GMDS: variants seen among roughly 807,000 people sequenced by gnomAD.
GMDS encodes the protein GDP-mannose 4,6 dehydratase.
GMDS carries 20 observed loss-of-function variants against 49.9 expected under a neutral mutation model. The observed-to-expected ratio is 0.40, with a 90% CI of 0.28 to 0.58. GMDS has a LOEUF of 0.58. Ranked by LOEUF, GMDS falls within the 20% of genes least tolerant of loss-of-function variation. GMDS has a pLI of 0.42. For missense variants in GMDS, 362 were observed against 481.4 expected, an observed-to-expected ratio of 0.75 and a Z score of 2.32; for synonymous variants, 177 against 178.6, an observed-to-expected ratio of 0.99 and a Z score of 0.07.
intron 1 of GMDS, among the ~76,000 whole-genome samples, chr6:2,172,089 G>A (rs1161568032): frequency 6.6e-6 from 1 of 151,956 alleles, no homozygotes; most frequent in Non-Finnish European, 1.5e-5. Context: ...CGAAAAGCAA[G>A]AATACATTTA....
At chr6:1,838,909 G>T (rs1180635846) in intron 7 of GMDS, among the ~76,000 whole-genome samples, 1 of 152,142 alleles carries the variant, frequency 6.6e-6, no homozygotes. Context: ...TTTCCCTGAG[G>T]TGGGACATCC....
chr6:1,855,056 T>C (rs1757885580), intron 7 of GMDS, among the ~76,000 whole-genome samples: 1 of 152,246 alleles, frequency 6.6e-6, no homozygotes, highest in African/African-American at 2.4e-5. Context: ...TCTAAAAACC[T>C]TTCTGCATTT....
chr6:2,237,935 T>C (rs1298947782), intron 1 of GMDS, among the ~76,000 whole-genome samples: 1 of 151,988 alleles, frequency 6.6e-6, no homozygotes, highest in Non-Finnish European at 1.5e-5. Flanking sequence ...ATCATGAAAC[T>C]AAAGGGAAAG....
At chr6:2,198,924 A>C (rs1031631782) in intron 1 of GMDS, among the ~76,000 whole-genome samples, 12 of 102,852 alleles carry the variant, frequency 1.2e-4, no homozygotes, top group African/African-American at 3.5e-4. Flanking sequence ...TCATAAAGTC[A>C]ATAATTCAGG....
At chr6:2,193,406 C>T (rs1779137840) in intron 1 of GMDS, among the ~76,000 whole-genome samples, 1 of 152,214 alleles carries the variant, frequency 6.6e-6, no homozygotes, top group South Asian at 2.1e-4. Context: ...TCTCCACTGC[C>T]ATCCACGTGC....
intron 9 of GMDS, among the ~76,000 whole-genome samples, chr6:1,660,036 C>A (rs115077350): frequency 1.3e-5 from 2 of 151,996 alleles, no homozygotes; most frequent in African/African-American, 4.8e-5. Flanking sequence ...ACCCTGCATG[C>A]GTCACGTGGC....
intron 1 of GMDS, among the ~76,000 whole-genome samples, chr6:2,213,512 G>A (rs1780166873): frequency 6.6e-6 from 1 of 152,168 alleles, no homozygotes; most frequent in African/African-American, 2.4e-5. Context: ...AATACAAATT[G>A]ATTTTGTCAT....
At chr6:2,202,929 T>C (rs1779616920) in intron 1 of GMDS, among the ~76,000 whole-genome samples, 1 of 152,168 alleles carries the variant, frequency 6.6e-6, no homozygotes, top group African/African-American at 2.4e-5. Flanking sequence ...AAAGTCACCC[T>C]GAATCAAGCA....
intron 7 of GMDS, among the ~76,000 whole-genome samples, chr6:1,794,481 G>A (rs1769662860): frequency 6.6e-6 from 1 of 152,182 alleles, no homozygotes; most frequent in Non-Finnish European, 1.5e-5. Context: ...CGAAACCATG[G>A]AATGTTCTAT....
chr6:2,169,836 G>A (rs1392869135), intron 1 of GMDS, among the ~76,000 whole-genome samples: 1 of 152,098 alleles, frequency 6.6e-6, no homozygotes, highest in African/African-American at 2.4e-5. Context: ...GTGTTCAGCT[G>A]GCAAGCCCTG....
chr6:1,794,860 G>A (rs1769677315), intron 7 of GMDS, among the ~76,000 whole-genome samples: 1 of 152,122 alleles, frequency 6.6e-6, no homozygotes, highest in South Asian at 2.1e-4. Flanking sequence ...GTGAGCCACT[G>A]CACCTGGACG....
chr6:1,955,757 A>G (rs1486035939), intron 6 of GMDS, among the ~76,000 whole-genome samples: 1 of 151,862 alleles, frequency 6.6e-6, no homozygotes, highest in South Asian at 2.1e-4. Context: ...AAATAAATAA[A>G]TGAAGTCTTC....
intron 1 of GMDS, among the ~76,000 whole-genome samples, chr6:2,167,207 G>A (rs1010256816): frequency 8.5e-5 from 13 of 152,108 alleles, no homozygotes; most frequent in Non-Finnish European, 1.3e-4. Flanking sequence ...AGGAAGATAT[G>A]GGTGCTAATA....
intron 7 of GMDS, among the ~76,000 whole-genome samples, chr6:1,784,462 G>A (rs1176306508): frequency 2.6e-5 from 4 of 151,804 alleles, no homozygotes; most frequent in East Asian, 3.9e-4. Flanking sequence ...GAGGATGTTC[G>A]GTTTGCCTGA....
chr6:2,130,093 C>T (rs1775650516), intron 1 of GMDS, among the ~76,000 whole-genome samples: 1 of 152,040 alleles, frequency 6.6e-6, no homozygotes. Flanking sequence ...TAAAAAATAC[C>T]GGGGAAATAT....
At chr6:2,245,177 C>T in intron 1 of GMDS, 144 bp downstream of exon 1, 1 of 635,338 alleles carries the variant, frequency 1.6e-6, no homozygotes, top group African/African-American at 1.9e-5. Flanking sequence ...ACCGTACCTT[C>T]CGTCCCACCT....
intron 4 of GMDS, among the ~76,000 whole-genome samples, chr6:1,973,537 T>A (rs948135186): frequency 3.3e-5 from 5 of 152,180 alleles, no homozygotes; most frequent in African/African-American, 1.2e-4. Flanking sequence ...GAAGATTTAA[T>A]GTTTGCTGCC....
At chr6:1,982,638 A>C (rs932061878) in intron 4 of GMDS, among the ~76,000 whole-genome samples, 51 of 152,176 alleles carry the variant, frequency 3.4e-4, no homozygotes, top group Non-Finnish European at 2.2e-4. Flanking sequence ...TGCCACAAAA[A>C]AAATAAAATA....
At chr6:2,165,612 G>A (rs1012559686) in intron 1 of GMDS, among the ~76,000 whole-genome samples, 1 of 152,240 alleles carries the variant, frequency 6.6e-6, no homozygotes, top group East Asian at 1.9e-4. Flanking sequence ...CCAAATGTCA[G>A]TTGGCACACA....
Sources: allele counts gnomAD v4.1 joint callset (sites outside exome capture counted in the v4.1 genomes callset), GRCh38; gene constraint gnomAD v4.1.1; transcripts MANE v1.5; gene names NCBI Gene and HGNC (gene_info 2026-07-23, HGNC 2026-07-21).